The following TENM4 variants were observed in gnomAD, a reference collection of about 807,000 sequenced individuals.
TENM4 encodes teneurin transmembrane protein 4.
TENM4 carries 82 observed loss-of-function variants against 243.3 expected under a neutral mutation model. That is an observed-to-expected ratio of 0.34 (90% confidence interval 0.28 to 0.40). TENM4 has a LOEUF of 0.40. TENM4 is among the 10% of genes least tolerant of loss of function. The pLI, the probability that TENM4 is intolerant of heterozygous loss-of-function variation, is 1.00. For missense variants in TENM4, 3,138 were observed against 3,673.3 expected (o/e 0.85, Z 3.77); for synonymous variants, 1,412 against 1,456.3 (o/e 0.97, Z 0.69).
intron 6 of TENM4, among the ~76,000 whole-genome samples, chr11:79,034,806 G>A (rs1487545985): frequency 6.6e-6 from 1 of 152,136 alleles, no homozygotes; most frequent in Non-Finnish European, 1.5e-5. Context: ...CAGACATGGT[G>A]AGCGAAGGGT....
At chr11:79,286,499 CAAAAAA>C (rs59227835) in intron 2 of TENM4, among the ~76,000 whole-genome samples, 1 of 126,526 alleles carries the variant, frequency 7.9e-6, no homozygotes. Context: ...CTAAAAAATC[CAAAAAA>C]AAAAAAAAAA....
intron 32 of TENM4, among the ~76,000 whole-genome samples, chr11:78,665,643 A>C (rs1858139218): frequency 6.6e-6 from 1 of 152,236 alleles, no homozygotes. Flanking sequence ...GGGTTTTGGA[A>C]TCAGAGCAGA....
intron 9 of TENM4, among the ~76,000 whole-genome samples, chr11:78,865,810 G>A (rs1858960855): frequency 6.6e-6 from 1 of 152,296 alleles, no homozygotes; most frequent in East Asian, 1.9e-4. Flanking sequence ...GGGACCAGAG[G>A]AAAGAAACTA....
At chr11:79,322,544 G>A (rs1039187006) in intron 1 of TENM4, among the ~76,000 whole-genome samples, 2 of 151,958 alleles carry the variant, frequency 1.3e-5, no homozygotes, top group Admixed American at 1.3e-4. Context: ...GCCAAGAAAA[G>A]AGAGAGATTA....
chr11:79,041,274 G>A (rs1264468613), intron 6 of TENM4, among the ~76,000 whole-genome samples: 4 of 152,032 alleles, frequency 2.6e-5, no homozygotes, highest in Non-Finnish European at 5.9e-5. Context: ...ATGTTGGCCA[G>A]GCTGGTCTTG....
chr11:79,281,595 G>T (rs1856158146), intron 2 of TENM4, among the ~76,000 whole-genome samples: 1 of 152,270 alleles, frequency 6.6e-6, no homozygotes, highest in Admixed American at 6.5e-5. Flanking sequence ...TGACCTCTTG[G>T]TGATGTGGGA....
chr11:79,293,296 T>C (rs1856387406), intron 2 of TENM4, among the ~76,000 whole-genome samples: 1 of 151,990 alleles, frequency 6.6e-6, no homozygotes, highest in Admixed American at 6.6e-5. Context: ...AAAAGTAGGA[T>C]GGGCACGGTG....
chr11:79,228,350 T>TA (rs1864310724), intron 2 of TENM4, among the ~76,000 whole-genome samples: 1 of 152,178 alleles, frequency 6.6e-6, no homozygotes, highest in African/African-American at 2.4e-5. Flanking sequence ...CTGACCCAAG[T>TA]GTCCCAGACC....
chr11:78,702,622 A>G (rs960270147), intron 27 of TENM4, among the ~76,000 whole-genome samples: 7 of 152,234 alleles, frequency 4.6e-5, no homozygotes, highest in African/African-American at 1.7e-4. Flanking sequence ...CATTAGACTG[A>G]CAAAACATGA....
intron 1 of TENM4, among the ~76,000 whole-genome samples, chr11:79,393,441 G>A (rs1489888387): frequency 6.6e-6 from 1 of 152,194 alleles, no homozygotes; most frequent in Non-Finnish European, 1.5e-5. Flanking sequence ...TGGGACAACA[G>A]CAAAGCCATC....
At chr11:79,331,457 C>A (rs918566004) in intron 1 of TENM4, among the ~76,000 whole-genome samples, 1 of 152,120 alleles carries the variant, frequency 6.6e-6, no homozygotes, top group Non-Finnish European at 1.5e-5. Context: ...TGCAGGGAGG[C>A]CTGGGTGGTG....
intron 3 of TENM4, chr11:79,191,643 A>T (rs1358246531): frequency 5.3e-6 from 1 of 187,912 alleles, no homozygotes; most frequent in African/African-American, 2.6e-5. Flanking sequence ...GAAAGTGAGG[A>T]CAGTCTCTGC....
chr11:79,244,904 G>C (rs568046463), intron 2 of TENM4, among the ~76,000 whole-genome samples: 4 of 152,248 alleles, frequency 2.6e-5, no homozygotes, highest in African/African-American at 9.6e-5. Context: ...CTGTGTGTGG[G>C]GGAAAATGCT....
intron 6 of TENM4, among the ~76,000 whole-genome samples, chr11:79,032,808 A>G (rs1402887612): frequency 2.6e-5 from 4 of 152,228 alleles, no homozygotes; most frequent in African/African-American, 9.6e-5. Context: ...GGCGATACTA[A>G]TAAATGAAAA....
Position 78,708,411 on chromosome 11 carries a change from G to T in TENM4, c.4159C>A (p.Leu1387Ile). The T allele has an allele frequency of 6.2e-7, 1 of 1,614,060 alleles. No individual in the cohort carries two copies. The highest frequency in any genetic ancestry group is 1.1e-5 in the South Asian group (1 of 91,082). ...IISTLLGSND[L>I]TSARPLSCDS... ...CAGCTGAGTGGCCGGGCTGATGTGA[G>T]ATCATTAGAGCCGAGCAGGGTGGAG... Residue 1387 changes from leucine to isoleucine, a missense_variant, in exon 27 of 34, where the codon CTC (leucine) becomes ATC (isoleucine). Physicochemically the swap from Leu to Ile is conservative, Grantham distance 5. Around this residue, in one of 2 missense-constraint regions of TENM4, gnomAD observed 2,467 missense variants for 3,059.1 expected, o/e 0.81. Transcript: ENST00000278550.
chr11:78,729,784 A>C, intron 21 of TENM4, 141 bp from the exon 22 acceptor site: 1 of 1,134,906 alleles, frequency 8.8e-7, no homozygotes, highest in Non-Finnish European at 1.2e-6. Flanking sequence ...AAAAGAGGAG[A>C]CAGTGGAAAG....
At chr11:79,083,598 A>G (rs952965864) in intron 4 of TENM4, among the ~76,000 whole-genome samples, 1 of 152,142 alleles carries the variant, frequency 6.6e-6, no homozygotes, top group Non-Finnish European at 1.5e-5. Context: ...AACACATTTC[A>G]TTCTCTAAAC....
intron 6 of TENM4, among the ~76,000 whole-genome samples, chr11:79,045,837 G>T (rs1859643152): frequency 6.6e-6 from 1 of 151,862 alleles, no homozygotes; most frequent in Admixed American, 6.6e-5. Flanking sequence ...CAGGTATTTG[G>T]CAGAAATCCC....
chr11:79,014,240 A>G (rs916591665), intron 6 of TENM4, among the ~76,000 whole-genome samples: 2 of 152,116 alleles, frequency 1.3e-5, no homozygotes, highest in African/African-American at 2.4e-5. Context: ...TGTCATCATG[A>G]TGCTTGAGCC....
Sources: gnomAD v4.1 joint callset for allele counts (sites outside exome capture counted in the v4.1 genomes callset) on GRCh38, gnomAD v4.1.1 for gene constraint, gnomAD v4.1.1 regional missense constraint, MANE v1.5 for transcripts, NCBI Gene and HGNC (gene_info 2026-07-23, HGNC 2026-07-21) for gene names.